Variants in CD44 observed in about 807,000 individuals in gnomAD.
CD44 encodes CD44 antigen.
CD44 carries 49 observed loss-of-function variants against 88.8 expected under a neutral mutation model. The observed-to-expected ratio is 0.55, with a 90% confidence interval of 0.44 to 0.70. CD44 has a LOEUF of 0.70. Among genes scored for constraint, CD44 ranks in the 30% least tolerant of loss-of-function variants. The pLI is 0.00. For synonymous variants in CD44, 325 were observed against 312.3 expected (o/e 1.04, Z -0.43); for missense variants, 883 against 913.8 (o/e 0.97, Z 0.43).
intron 1 of CD44, among the ~76,000 whole-genome samples, chr11:35,155,216 A>G (rs1272272427): frequency 1.3e-5 from 2 of 152,198 alleles, no homozygotes. Flanking sequence ...TAGACCAATC[A>G]TGATCCACCC....
chr11:35,186,987 A>G, intron 4 of CD44, 87 bp downstream of exon 4: 1 of 844,606 alleles, frequency 1.2e-6, no homozygotes, highest in Admixed American at 1.8e-5. Context: ...TGAATAGAAT[A>G]TTAGGCCAGG....
chr11:35,173,171 T>G (rs1944094652), intron 1 of CD44, among the ~76,000 whole-genome samples: 1 of 152,234 alleles, frequency 6.6e-6, no homozygotes, highest in Non-Finnish European at 1.5e-5. Flanking sequence ...ATTTTTAACC[T>G]GAGAGTGACA....
rs773512644 is a variant in CD44 at position 35,157,321 on chromosome 11, G to GTCTGTCTA, written c.67+17954_67+17955insGTCTATCT. 4.1e-3 allele frequency among the ~76,000 whole-genome samples: 597 copies of GTCTGTCTA among 147,278 alleles called. 5 individuals are homozygous for GTCTGTCTA. The highest frequency in any genetic ancestry group is 0.013 in the African/African-American group (533 of 39,924). ...CATCTATCCATCTATCTGTCTGTCT[G>GTCTGTCTA]TCTATCTATCTATCTATCTATCTAT... On this transcript the variant is annotated intron_variant, in intron 1 of 17. Transcript: ENST00000428726.
At chr11:35,180,528 G>C in intron 3 of CD44, 121 bp downstream of exon 3, 1 of 1,056,678 alleles carries the variant, frequency 9.5e-7, no homozygotes, top group Non-Finnish European at 1.4e-6. Flanking sequence ...CTGAATATCT[G>C]TACAGCAGAG....
At chr11:35,185,389 G>C (rs572921821) in intron 3 of CD44, among the ~76,000 whole-genome samples, 1 of 152,260 alleles carries the variant, frequency 6.6e-6, no homozygotes, top group Non-Finnish European at 1.5e-5. Flanking sequence ...GGCAGGTTAA[G>C]GTTATCCTTT....
In CD44 at chr11:35,231,798, C is replaced by T. The variant is rs998597074; in HGVS notation, c.*2465C>T. ...ACTGGGTCTTTATAAAAGTAAAAGG[C>T]CAACATTTAATTATTTTGCAAAGCA... On this transcript the variant is annotated 3_prime_UTR_variant, in exon 18 of 18. Transcript: ENST00000428726. 1 of 152,138 alleles carries T rather than the reference C, an allele frequency of 6.6e-6. No homozygotes were observed. Among genetic ancestry groups the T allele is most frequent in the Non-Finnish European group, 1.5e-5 (1 of 68,006 alleles). 9.4% of individuals were successfully genotyped at this position (152,138 alleles called of 1,614,324 possible).
chr11:35,167,978 C>T (rs1943485957), intron 1 of CD44, among the ~76,000 whole-genome samples: 2 of 152,240 alleles, frequency 1.3e-5, no homozygotes, highest in Admixed American at 1.3e-4. Flanking sequence ...CAGAGAGAAG[C>T]AGTCAGCCCA....
At chr11:35,208,082 A>T (rs1408117493) in intron 11 of CD44, 23 bp from the exon 12 acceptor site, 1 of 1,411,414 alleles carries the variant, frequency 7.1e-7, no homozygotes, top group Non-Finnish European at 1.0e-6. Flanking sequence ...ATCAAGCAAT[A>T]ACACTAATAT....
rs1248688404 is a variant in CD44, at chr11:35,211,234, A to G, written c.1607-12A>G. On this transcript the variant is annotated splice_polypyrimidine_tract_variant and intron_variant, in intron 13 of 17. Transcript: ENST00000428726. ...CAAATACGGGTTCATCACTGATTCC[A>G]CCTCCACACAGATAGGAATGATGTC... The G allele has an allele frequency of 6.2e-7, 1 of 1,608,268 alleles. No individual in the cohort carries two copies. Among genetic ancestry groups the G allele is most frequent in the Non-Finnish European group, 8.5e-7 (1 of 1,174,802 alleles).
chr11:35,149,729 A>C (rs1859941301), intron 1 of CD44, among the ~76,000 whole-genome samples: 1 of 152,208 alleles, frequency 6.6e-6, no homozygotes, highest in Non-Finnish European at 1.5e-5. Context: ...GAGCCTCATA[A>C]AACCTAATGG....
chr11:35,149,476 G>A (rs1859881422), intron 1 of CD44, among the ~76,000 whole-genome samples: 1 of 152,202 alleles, frequency 6.6e-6, no homozygotes, highest in African/African-American at 2.4e-5. Flanking sequence ...ACAATACTTA[G>A]CACGTAATTT....
intron 1 of CD44, among the ~76,000 whole-genome samples, chr11:35,157,437 C>T (rs539536092): frequency 6.6e-5 from 10 of 152,164 alleles, no homozygotes; most frequent in Non-Finnish European, 1.2e-4. Context: ...TTAATTATCT[C>T]TATCTTTATC....
intron 15 of CD44, among the ~76,000 whole-genome samples, chr11:35,218,497 T>G (rs547837050): frequency 2.0e-5 from 3 of 152,232 alleles, no homozygotes; most frequent in African/African-American, 7.2e-5. Flanking sequence ...CCTGGCTAAT[T>G]TTTGTATTTT....
chr11:35,176,974 T>A lies in CD44; in HGVS notation c.233+234T>A. ...GGAACCCAGAGGAAGCCATTAGGGG[T>A]CCTCTCGGCTGGAATCCTCTTGTCT... is the stretch of plus-strand genomic sequence containing the variant. On this transcript the variant is annotated intron_variant, in intron 2 of 17. Transcript: ENST00000428726. The A allele has an allele frequency of 4.3e-6, 2 of 462,748 alleles. 1 individual carries two copies. Among genetic ancestry groups the A allele is most frequent in the Middle Eastern group, 1.1e-3 (2 of 1,808 alleles). The allele number at this position is 462,748 out of a possible 1,614,324, so 28.7% of individuals were successfully genotyped here.
chr11:35,206,925 A>T (rs1160703939), intron 11 of CD44, among the ~76,000 whole-genome samples: 1 of 152,252 alleles, frequency 6.6e-6, no homozygotes, highest in East Asian at 1.9e-4. Context: ...CTTCAGAATC[A>T]ATATTAATTC....
rs1230011124 is a variant in CD44, at chr11:35,196,874, G to A, written c.796G>A (p.Gly266Ser). The A allele has an allele frequency of 6.2e-7, 1 of 1,612,852 alleles. No homozygotes were observed. The highest frequency in any genetic ancestry group is 1.3e-5 in the African/African-American group (1 of 75,004). Residue 266 changes from glycine (G) to serine (S), a missense_variant and splice_region_variant, in exon 6 of 18, where the codon GGT becomes AGT. Gly to Ser is a moderately conservative substitution (Grantham distance 56). Coordinates refer to ENST00000428726, the MANE Select transcript of CD44 (RefSeq NM_000610.4). ...NHLHTTTQMA[G>S]TSSNTISAGW... Reference sequence around the variant, plus strand: ...TCTTCACACAACAACACAAATGGCTGGTAATGAGTTATTATTATCTCATAG... The same window carrying A: ...TCTTCACACAACAACACAAATGGCTAGTAATGAGTTATTATTATCTCATAG...
intron 1 of CD44, among the ~76,000 whole-genome samples, chr11:35,145,647 C>CTAGA (rs1858998920): frequency 1.3e-5 from 2 of 152,134 alleles, no homozygotes; most frequent in Admixed American, 6.5e-5. Flanking sequence ...CAGCAGCAGC[C>CTAGA]ACCTTGGGGT....
rs1946092373 is a variant in CD44, at chr11:35,189,819, C to G, written c.437-16C>G. On this transcript the variant is annotated splice_polypyrimidine_tract_variant and intron_variant, in intron 4 of 17. Transcript: ENST00000428726. The stretch of plus-strand genomic sequence containing the variant: ...ATGAGCTGTGAAGTTCTGTAAGTAC[C>G]TTTTCTCTCTCCCAGCTATTGTTAA... 6.4e-7 allele frequency: 1 copy of G among 1,561,248 alleles called. No homozygotes were observed. The highest frequency in any genetic ancestry group is 8.8e-7 in the Non-Finnish European group (1 of 1,134,594).
intron 17 of CD44, among the ~76,000 whole-genome samples, chr11:35,225,430 T>C (rs560384842): frequency 1.3e-5 from 2 of 152,296 alleles, no homozygotes; most frequent in African/African-American, 4.8e-5. Context: ...ACTGTGTGAT[T>C]GCTGTGTGCT....
Sources: allele counts gnomAD v4.1 joint callset (sites outside exome capture counted in the v4.1 genomes callset), GRCh38; gene constraint gnomAD v4.1.1; transcripts MANE v1.5; gene names NCBI Gene and HGNC (gene_info 2026-07-23, HGNC 2026-07-21).